Variants in PCDH15 observed in about 807,000 individuals in gnomAD.
PCDH15 encodes protocadherin-15.
In PCDH15, 129 loss-of-function variants were observed where a neutral mutation model predicts 178.5. The observed-to-expected ratio is 0.72, with a 90% confidence interval of 0.63 to 0.84. The LOEUF (loss-of-function observed/expected upper bound fraction) is 0.84. PCDH15 is among the 40% of genes least tolerant of loss of function. PCDH15 has a pLI of 0.00. For synonymous variants in PCDH15, 800 were observed against 732.0 expected (o/e 1.09, Z -1.50); for missense variants, 2,230 against 2,099.9 (o/e 1.06, Z -1.21).
chr10:53,864,789 T>A (rs750357229), intron 27 of PCDH15, among the ~76,000 whole-genome samples: 50 of 151,676 alleles, frequency 3.3e-4, no homozygotes, highest in Admixed American at 5.9e-4. Flanking sequence ...GTCTCAAAAA[T>A]AATAATAATA....
chr10:54,220,848 A>ATAAG (rs1220422990), intron 9 of PCDH15, among the ~76,000 whole-genome samples: 98 of 150,784 alleles, frequency 6.5e-4, no homozygotes, highest in Middle Eastern at 3.4e-3. Flanking sequence ...AAATAAATAA[A>ATAAG]TAAATAAATA....
intron 3 of PCDH15, among the ~76,000 whole-genome samples, chr10:54,405,400 G>A (rs374383758): frequency 2.0e-4 from 31 of 152,128 alleles, no homozygotes; most frequent in African/African-American, 6.7e-4. Flanking sequence ...GGATAGAGCT[G>A]GAGGTAGTTA....
At chr10:55,390,005 G>A (rs1837754264) in intron 2 of PCDH15, among the ~76,000 whole-genome samples, 1 of 152,054 alleles carries the variant, frequency 6.6e-6, no homozygotes, top group South Asian at 2.1e-4. Context: ...ATTACAAAGA[G>A]TTTCCTTATA....
intron 21 of PCDH15, among the ~76,000 whole-genome samples, chr10:53,977,955 T>C (rs2090325607): frequency 6.6e-6 from 1 of 152,216 alleles, no homozygotes. Context: ...AGAAGTGTGC[T>C]GCCATGGCCT....
At chr10:54,134,520 G>A (rs938338097) in intron 14 of PCDH15, among the ~76,000 whole-genome samples, 18 of 151,872 alleles carry the variant, frequency 1.2e-4, no homozygotes, top group Non-Finnish European at 2.1e-4. Context: ...TTGGGAGGCC[G>A]AGGCAGGTGG....
intron 5 of PCDH15, among the ~76,000 whole-genome samples, chr10:54,359,760 G>A (rs1242590779): frequency 6.6e-6 from 1 of 151,802 alleles, no homozygotes; most frequent in Non-Finnish European, 1.5e-5. Context: ...GGTTTTTTGT[G>A]TGTCTGCTAA....
chr10:53,814,089 C>A (rs1239380500), intron 35 of PCDH15, among the ~76,000 whole-genome samples: 1 of 152,058 alleles, frequency 6.6e-6, no homozygotes, highest in Non-Finnish European at 1.5e-5. Flanking sequence ...TTTGTAAAAA[C>A]GTTTCCTGGA....
chr10:54,476,340 G>C (rs890135734), intron 3 of PCDH15, among the ~76,000 whole-genome samples: 2 of 151,944 alleles, frequency 1.3e-5, no homozygotes, highest in Non-Finnish European at 2.9e-5. Context: ...GTTGTCTAGA[G>C]TTCTTTATCT....
At position 54,062,259 on chromosome 10, in the gene PCDH15, AC is replaced by A. The variant is rs2094043659; in HGVS notation, c.2220+4497del. Among the ~76,000 whole-genome samples, 43 of 105,970 alleles carry A rather than the reference AC, an allele frequency of 4.1e-4. 1 individual carries two copies. The highest frequency in any genetic ancestry group is 1.1e-3 in the African/African-American group (31 of 29,514). 69.5% of individuals were successfully genotyped at this position (105,970 alleles called of 152,430 possible). A position where few individuals can be genotyped will look rare whatever the true frequency, so the allele number is the denominator to read the frequency against. ...AAAAAAAAAAAAAAAAAAACAAAAA[AC>A]AACTAAATGAAAACTCCCTTCAGCA... On this transcript the variant is annotated intron_variant, in intron 18 of 37. Coordinates refer to ENST00000644397, the MANE Select transcript of PCDH15 (RefSeq NM_001384140.1).
intron 24 of PCDH15, among the ~76,000 whole-genome samples, chr10:53,940,185 A>G (rs2085929160): frequency 7.6e-6 from 1 of 131,282 alleles, no homozygotes; most frequent in Non-Finnish European, 1.8e-5. Context: ...ATACTAGGCT[A>G]TCTAACATAC....
intron 3 of PCDH15, among the ~76,000 whole-genome samples, chr10:54,424,080 C>A (rs1157698727): frequency 6.6e-6 from 1 of 151,788 alleles, no homozygotes; most frequent in Non-Finnish European, 1.5e-5. Flanking sequence ...AACAGGCAAC[C>A]TACAGAATGG....
intron 25 of PCDH15, among the ~76,000 whole-genome samples, chr10:53,922,095 C>T (rs1002676340): frequency 3.9e-5 from 6 of 152,036 alleles, no homozygotes; most frequent in Non-Finnish European, 8.8e-5. Context: ...GGTTGTCAAT[C>T]AAGGTAGGTG....
At chr10:54,899,346 G>T (rs1246949802) in intron 2 of PCDH15, among the ~76,000 whole-genome samples, 2 of 151,612 alleles carry the variant, frequency 1.3e-5, no homozygotes, top group African/African-American at 4.8e-5. Flanking sequence ...TATTTAAATG[G>T]TGCTAGCTTT....
intron 17 of PCDH15, among the ~76,000 whole-genome samples, chr10:54,076,965 T>C (rs2094352429): frequency 6.6e-6 from 1 of 152,184 alleles, no homozygotes; most frequent in African/African-American, 2.4e-5. Flanking sequence ...AGGTTAATTT[T>C]ACTGTAATTA....
At chr10:54,674,380 T>C (rs1472716644) in intron 1 of PCDH15, among the ~76,000 whole-genome samples, 1 of 152,148 alleles carries the variant, frequency 6.6e-6, no homozygotes, top group African/African-American at 2.4e-5. Flanking sequence ...TCATTTCTCT[T>C]TGTACTTTAC....
At chr10:54,145,272 CTTA>C (rs746243621) in intron 14 of PCDH15, among the ~76,000 whole-genome samples, 4 of 151,790 alleles carry the variant, frequency 2.6e-5, no homozygotes, top group Non-Finnish European at 5.9e-5. Flanking sequence ...ATTGTATTAT[CTTA>C]TTATTATTTT....
intron 7 of PCDH15, among the ~76,000 whole-genome samples, chr10:54,322,509 A>T (rs1303013029): frequency 1.3e-5 from 2 of 151,992 alleles, no homozygotes; most frequent in Admixed American, 6.6e-5. Flanking sequence ...TGTCTCCTCA[A>T]CCTCAAGCTA....
intron 18 of PCDH15, among the ~76,000 whole-genome samples, chr10:54,060,653 T>C (rs980012542): frequency 1.3e-5 from 2 of 152,186 alleles, no homozygotes; most frequent in African/African-American, 2.4e-5. Flanking sequence ...CAAGATTGCA[T>C]TAGTTATTTT....
intron 2 of PCDH15, among the ~76,000 whole-genome samples, chr10:55,148,996 C>T (rs909429275): frequency 9.3e-5 from 14 of 151,274 alleles, no homozygotes; most frequent in African/African-American, 3.4e-4. Context: ...CTGCTATATT[C>T]ACATCAATGT....
Sources: gnomAD v4.1 joint callset for allele counts (sites outside exome capture counted in the v4.1 genomes callset) on GRCh38, gnomAD v4.1.1 for gene constraint, MANE v1.5 for transcripts, NCBI Gene and HGNC (gene_info 2026-07-23, HGNC 2026-07-21) for gene names.